The following CCDC88B variants were observed in gnomAD, a reference collection of about 807,000 sequenced individuals.
The protein encoded by CCDC88B is coiled-coil and HOOK domain protein 88B.
In CCDC88B, 138 loss-of-function variants were observed where a neutral mutation model predicts 183.7. The ratio of observed to expected loss-of-function variants is 0.75; its 90% CI spans 0.65 to 0.87. CCDC88B has a LOEUF of 0.87. Ranked by LOEUF, CCDC88B falls within the 40% of genes least tolerant of loss-of-function variation. CCDC88B has a pLI of 0.00. For missense variants in CCDC88B, 1,822 were observed against 1,965.6 expected (o/e 0.93, Z 1.38); for synonymous variants, 835 against 867.5 (o/e 0.96, Z 0.66).
Position 64,357,046 on chromosome 11 carries a change from G to A in CCDC88B, c.4383G>A (p.Glu1461=). 1 of 1,593,840 alleles carries A rather than the reference G, an allele frequency of 6.3e-7. No individual in the cohort carries two copies. Among genetic ancestry groups the A allele is most frequent in the South Asian group, 1.1e-5 (1 of 88,808 alleles). The change falls in exon 27 of 27, where the codon GAG becomes GAA. Residue 1461 remains glutamate (E), a synonymous_variant. Coordinates refer to ENST00000356786, the MANE Select transcript of CCDC88B (RefSeq NM_032251.6). ...CTGAGCCTTTCCCTCTAGGCCCTGA[G>A]GTACAGGAACCGGAGAAACGTCCCC... ...HETDANREGP[E]VQEPEKRPLT...
In CCDC88B at chr11:64,342,694, G is replaced by A; in HGVS notation, c.1062+14G>A. On this transcript the variant is annotated intron_variant, in intron 10 of 26. Transcript: ENST00000356786. ...AGTCAGCTGGAGGTGAGGCGGAGACGGAGCCGCGGGGCGGGGCGTGCGCGA... is the reference window on the plus strand; with the variant it reads ...AGTCAGCTGGAGGTGAGGCGGAGACAGAGCCGCGGGGCGGGGCGTGCGCGA... 6.8e-7 allele frequency: 1 copy of A among 1,463,666 alleles called. No homozygotes were observed. Among genetic ancestry groups the A allele is most frequent in the African/African-American group, 1.4e-5 (1 of 69,654 alleles). 90.7% of individuals were successfully genotyped at this position (1,463,666 alleles called of 1,614,324 possible).
In CCDC88B at chr11:64,351,618, T is replaced by G; in HGVS notation, c.3099+2T>G. 6.4e-7 allele frequency: 1 copy of G among 1,560,800 alleles called. No homozygotes were observed. The highest frequency in any genetic ancestry group is 1.4e-5 in the African/African-American group (1 of 73,982). ...CAGGAGCACAGCAGCCGCCTGCAGG[T>G]GGGTGGTGGCCCGGGTGCCCATCCC... On this transcript the variant is annotated splice_donor_variant, in intron 18 of 26. Coordinates refer to ENST00000356786, the MANE Select transcript of CCDC88B (RefSeq NM_032251.6). LOFTEE classifies it high-confidence loss of function.
chr11:64,352,981 G>C, intron 20 of CCDC88B, 73 bp from the exon 21 acceptor site: 2 of 1,506,132 alleles, frequency 1.3e-6, no homozygotes. Flanking sequence ...CCCCTCCCCG[G>C]CATAACTTCT....
intron 19 of CCDC88B, 56 bp from the exon 20 acceptor site, chr11:64,352,688 G>A: frequency 5.0e-6 from 8 of 1,610,734 alleles, no homozygotes; most frequent in Non-Finnish European, 6.8e-6. Flanking sequence ...AGTCCAGCCA[G>A]CTGCTTGTGG....
chr11:64,346,509 C>G (rs560800821), intron 14 of CCDC88B, among the ~76,000 whole-genome samples: 1 of 151,278 alleles, frequency 6.6e-6, no homozygotes, highest in South Asian at 2.1e-4. Flanking sequence ...GGTGCTATCT[C>G]GGCTCACTGC....
rs751953110 is a variant in CCDC88B, at chr11:64,343,555, G to GTGGAGC, written c.1272_1277dup (p.Glu425_Leu426dup). ...GGTGGACCAGCTGGCTGAGGAGAAT[G>GTGGAGC]TGGAGCTGGAGCTGGAGCTTCAGCG... On this transcript the variant is annotated inframe_insertion, in exon 12 of 27. Transcript: ENST00000356786. The GTGGAGC allele has an allele frequency of 2.6e-6, 4 of 1,552,066 alleles. No homozygotes were observed. The highest frequency in any genetic ancestry group is 3.5e-6 in the Non-Finnish European group (4 of 1,147,164).
At chr11:64,350,188 G>A in intron 16 of CCDC88B, 1 of 166,090 alleles carries the variant, frequency 6.0e-6, no homozygotes, top group Admixed American at 5.6e-5. Flanking sequence ...CCCAGCAGGT[G>A]CATGCGAGTC....
rs764595680 is a variant in CCDC88B at position 64,341,967 on chromosome 11, T to C, written c.676-27T>C. ...TGTGCAGAGGCATTGGATAAGTTAG[T>C]CCTGACCCTTGACCCCTGACCTACA... On this transcript the variant is annotated intron_variant, in intron 7 of 26. Coordinates refer to ENST00000356786, the MANE Select transcript of CCDC88B (RefSeq NM_032251.6). 1.9e-6 allele frequency: 3 copies of C among 1,611,862 alleles called. No individual in the cohort carries two copies. In the African/African-American group the frequency reaches 4.0e-5, roughly 22 times the overall value.
Position 64,344,329 on chromosome 11 carries a change from C to A in CCDC88B, c.1788C>A (p.Ser596=). The A allele has an allele frequency of 1.2e-6, 2 of 1,612,806 alleles. No individual in the cohort carries two copies. The highest frequency in any genetic ancestry group is 1.3e-5 in the African/African-American group (1 of 75,036). The part of the protein sequence containing the change: ...QESPEKAGRR[S]SLQSPASVAP... ...CCCCGGAGAAGGCTGGCCGTAGATC[C>A]TCTCTCCAGAGCCCTGCCTCTGTGG... The change falls in exon 14 of 27, where the codon TCC becomes TCA. Residue 596 remains serine, a synonymous_variant. Coordinates refer to ENST00000356786, the MANE Select transcript of CCDC88B (RefSeq NM_032251.6). The surrounding 1 kb of genome is among the most constrained non-coding windows in gnomAD (Gnocchi z 4.5).
intron 26 of CCDC88B, 62 bp downstream of exon 26, chr11:64,355,690 C>T: frequency 7.1e-7 from 1 of 1,413,790 alleles, no homozygotes; most frequent in South Asian, 1.4e-5. Flanking sequence ...CTGGCAGAAC[C>T]TCATTCATCC....
intron 14 of CCDC88B, chr11:64,349,097 C>T: frequency 1.4e-6 from 1 of 716,614 alleles, no homozygotes; most frequent in Non-Finnish European, 2.6e-6. Context: ...ACTCCCAGCC[C>T]AGGGGCCTTC....
intron 18 of CCDC88B, among the ~76,000 whole-genome samples, chr11:64,351,839 G>A (rs765862156): frequency 1.3e-5 from 2 of 151,784 alleles, no homozygotes; most frequent in Non-Finnish European, 2.9e-5. Context: ...CACCCATGTC[G>A]CCCTGCGCTC....
rs1432312266 is a variant in CCDC88B, at chr11:64,356,693, G to C, written c.4376-346G>C. 3 of 368,476 alleles carry C rather than the reference G, an allele frequency of 8.1e-6. No individual in the cohort carries two copies. In the East Asian group the frequency reaches 1.3e-4, roughly 15 times the overall value. 22.8% of individuals were successfully genotyped at this position (368,476 alleles called of 1,614,324 possible). On this transcript the variant is annotated intron_variant, in intron 26 of 26. Coordinates refer to ENST00000356786, the MANE Select transcript of CCDC88B (RefSeq NM_032251.6). ...AGCCCTAGACCCGGCTGGACCATCAGGAGGCGCTAATGCTCTGGGAAGAAA... is the reference window on the plus strand; with the variant it reads ...AGCCCTAGACCCGGCTGGACCATCACGAGGCGCTAATGCTCTGGGAAGAAA...
intron 4 of CCDC88B, 33 bp from the exon 5 acceptor site, chr11:64,341,237 C>G: frequency 6.2e-7 from 1 of 1,614,156 alleles, no homozygotes; most frequent in Non-Finnish European, 8.5e-7. Flanking sequence ...CCTTCCCCGC[C>G]CCAGTTAACC....
rs541488916 is a variant in CCDC88B at position 64,344,972 on chromosome 11, C to A, written c.2431C>A (p.Arg811=). 1 of 1,549,028 alleles carries A rather than the reference C, an allele frequency of 6.5e-7. No homozygotes were observed. The highest frequency in any genetic ancestry group is 8.7e-7 in the Non-Finnish European group (1 of 1,148,026). Residue 811 remains arginine, a synonymous_variant, in exon 14 of 27, where the codon CGG becomes AGG. Coordinates refer to ENST00000356786, the MANE Select transcript of CCDC88B (RefSeq NM_032251.6). This position sits in a 1 kb window ranked among gnomAD's most constrained non-coding sequence, Gnocchi z 4.5. ...GQELESASQE[R]EALVEALAAA... is the part of the protein sequence containing the mutation. ...GGAGCTGGAGTCTGCGTCCCAGGAA[C>A]GGGAGGCGCTGGTGGAGGCGCTGGC...
chr11:64,356,598 CATA>C (rs1213178920), intron 26 of CCDC88B: 1 of 185,288 alleles, frequency 5.4e-6, no homozygotes, highest in East Asian at 1.4e-4. Context: ...AACAAAAAAA[CATA>C]GTAGGTCTTT....
Position 64,343,976 on chromosome 11 carries a change from G to A in CCDC88B, c.1456-21G>A, listed in dbSNP as rs760084565. ...CCCTAGTCCCTCCCTGGGCCTGACT[G>A]TCCCTCTCGTATGCCCTCAGCACCC... is the stretch of plus-strand genomic sequence containing the variant. On this transcript the variant is annotated intron_variant, in intron 13 of 26. Transcript: ENST00000356786. The A allele has an allele frequency of 3.2e-6, 5 of 1,560,186 alleles. No homozygotes were observed. In the South Asian group the frequency reaches 5.9e-5, roughly 19 times the overall value.
rs1425755418 is a variant in CCDC88B, at chr11:64,349,678, G to A, written c.2862+10G>A. 2 of 1,578,826 alleles carry A rather than the reference G, an allele frequency of 1.3e-6. No homozygotes were observed. The highest frequency in any genetic ancestry group is 1.7e-6 in the Non-Finnish European group (2 of 1,161,404). On this transcript the variant is annotated intron_variant, in intron 16 of 26. Coordinates refer to ENST00000356786, the MANE Select transcript of CCDC88B (RefSeq NM_032251.6). The stretch of plus-strand genomic sequence containing the variant: ...AGAGGAGCTGTTCCAGGTGATGCCT[G>A]CCCGCCTGGGAGCTGGGGGCCATGC...
chr11:64,351,123 GCTGTC>G, intron 16 of CCDC88B, 32 bp from the exon 17 acceptor site: 1 of 1,424,046 alleles, frequency 7.0e-7, no homozygotes, highest in Non-Finnish European at 9.3e-7. Context: ...AGGCACTGCG[GCTGTC>G]CCGCATGACC....
Sources: gnomAD v4.1 joint callset for allele counts (sites outside exome capture counted in the v4.1 genomes callset) on GRCh38, gnomAD v4.1.1 for gene constraint, Gnocchi (gnomAD v3.1) non-coding constraint, MANE v1.5 for transcripts, NCBI Gene and HGNC (gene_info 2026-07-23, HGNC 2026-07-21) for gene names.